Variants in SUGP1 observed in about 807,000 individuals in gnomAD.
SUGP1 encodes the protein SURP and G-patch domain-containing protein 1.
SUGP1 carries 34 observed loss-of-function variants against 76.5 expected under a neutral mutation model. That is an observed-to-expected ratio of 0.44 (90% CI 0.34 to 0.59). SUGP1 has a LOEUF of 0.59. Ranked by LOEUF, SUGP1 falls within the 20% of genes least tolerant of loss-of-function variation. The pLI, the probability that SUGP1 is intolerant of heterozygous loss-of-function variation, is 0.01. For missense variants in SUGP1, 752 were observed against 851.7 expected (o/e 0.88, Z 1.46); for synonymous variants, 326 against 326.2 (o/e 1.00, Z 0.01).
chr19:19,317,286 A>G (rs1381268931), intron 1 of SUGP1, among the ~76,000 whole-genome samples: 3 of 152,198 alleles, frequency 2.0e-5, no homozygotes, highest in Admixed American at 6.6e-5. Context: ...GAAAAAACAA[A>G]TAAGAAGCCA....
Position 19,280,575 on chromosome 19 carries a change from T to C in SUGP1, c.1244-284A>G, listed in dbSNP as rs1168636462. The C allele has an allele frequency of 1.8e-5, 7 of 397,374 alleles. No homozygotes were observed. The East Asian group carries it at 3.0e-4, about 17-fold the overall frequency. The allele number at this position is 397,374 out of a possible 1,614,324, so 24.6% of individuals were successfully genotyped here. On this transcript the variant is annotated intron_variant, in intron 8 of 13. Coordinates refer to ENST00000247001, the MANE Select transcript of SUGP1 (RefSeq NM_172231.4). Reference sequence around the variant, plus strand: ...AAGAATCAGAGGTTCCGGGACTCACTCAGGGTCACACAGCTAACGAGTGAC... The same window carrying C: ...AAGAATCAGAGGTTCCGGGACTCACCCAGGGTCACACAGCTAACGAGTGAC...
chr19:19,280,389 C>T, intron 8 of SUGP1, 98 bp from the exon 9 acceptor site: 2 of 1,064,656 alleles, frequency 1.9e-6, no homozygotes, highest in Non-Finnish European at 2.8e-6. Flanking sequence ...CTTCATGACA[C>T]TCCAGGCACA....
At chr19:19,280,751 G>A (rs968875700) in intron 8 of SUGP1, 1 of 157,636 alleles carries the variant, frequency 6.3e-6, no homozygotes, top group Admixed American at 6.2e-5. Context: ...TCTGGCGTAA[G>A]ACTCAGCTGT....
chr19:19,297,221 C>G lies in SUGP1; in HGVS notation c.1011G>C (p.Lys337Asn). 1 of 1,600,350 alleles carries G rather than the reference C, an allele frequency of 6.2e-7. No homozygotes were observed. ...FTAPDPGLKR[K>N]SPPEALSGSL... ...ACCCTGACAGGGCCTCAGGAGGGGA[C>G]TTGCGCTTCAGGCCGGGATCAGGTG... Residue 337 changes from lysine (K) to asparagine (N), a missense_variant, in exon 8 of 14, where the codon AAG (lysine) becomes AAC (asparagine). Physicochemically the swap from Lys to Asn is moderately conservative, Grantham distance 94. Transcript: ENST00000247001.
At chr19:19,306,733 C>G (rs1285420156) in intron 3 of SUGP1, among the ~76,000 whole-genome samples, 4 of 152,230 alleles carry the variant, frequency 2.6e-5, no homozygotes, top group Non-Finnish European at 4.4e-5. Context: ...AACCTACAGA[C>G]AGGGGTCCCA....
chr19:19,279,442 A>C, intron 9 of SUGP1, 52 bp from the exon 10 acceptor site: 1 of 1,514,770 alleles, frequency 6.6e-7, no homozygotes, highest in African/African-American at 1.4e-5. Flanking sequence ...GGCCTGCCGG[A>C]GCCCCGCTCC....
intron 3 of SUGP1, among the ~76,000 whole-genome samples, chr19:19,308,159 T>C (rs576054485): frequency 6.6e-6 from 1 of 151,946 alleles, no homozygotes. Context: ...GCCCCCCCAT[T>C]AGTTGGGGTT....
chr19:19,290,118 C>T (rs1368244184), intron 8 of SUGP1, among the ~76,000 whole-genome samples: 1 of 151,972 alleles, frequency 6.6e-6, no homozygotes, highest in Non-Finnish European at 1.5e-5. Flanking sequence ...AGATGTGACC[C>T]GCCATCACAC....
intron 8 of SUGP1, among the ~76,000 whole-genome samples, chr19:19,283,785 A>C (rs1160321026): frequency 1.3e-5 from 2 of 152,092 alleles, no homozygotes; most frequent in Admixed American, 6.6e-5. Context: ...ACAGGGTTTC[A>C]CCATATTGGC....
At chr19:19,296,009 A>G (rs1452697115) in intron 8 of SUGP1, among the ~76,000 whole-genome samples, 1 of 152,232 alleles carries the variant, frequency 6.6e-6, no homozygotes, top group African/African-American at 2.4e-5. Flanking sequence ...ATATCACTTC[A>G]TACCTCTTAG....
intron 4 of SUGP1, among the ~76,000 whole-genome samples, chr19:19,304,935 A>G (rs546052301): frequency 2.8e-4 from 43 of 152,300 alleles, no homozygotes; most frequent in African/African-American, 9.6e-4. Flanking sequence ...TGCTGTTTAC[A>G]GGAACAGGTG....
intron 8 of SUGP1, among the ~76,000 whole-genome samples, chr19:19,289,811 C>T (rs182456411): frequency 4.0e-4 from 61 of 152,230 alleles, no homozygotes; most frequent in African/African-American, 1.4e-3. Flanking sequence ...AAAGAGGTTC[C>T]GGACAGCAGA....
At chr19:19,298,149 C>T (rs909180301) in intron 7 of SUGP1, among the ~76,000 whole-genome samples, 6 of 152,212 alleles carry the variant, frequency 3.9e-5, no homozygotes, top group African/African-American at 1.2e-4. Context: ...ATGGTCATAG[C>T]ACCAAGGCGT....
chr19:19,316,430 A>C lies in SUGP1; in HGVS notation c.198T>G (p.His66Gln). ...QNQVASPQPPHPGEITNAHNS... is the reference protein window; with the variant it reads ...QNQVASPQPPQPGEITNAHNS... ...CCCCAGCAGGCACTTACTCGCCAGGATGTGGGGGCTGAGGGCTGGCCACCT... is the reference window on the plus strand; with the variant it reads ...CCCCAGCAGGCACTTACTCGCCAGGCTGTGGGGGCTGAGGGCTGGCCACCT... Residue 66 changes from histidine to glutamine, a missense_variant, in exon 2 of 14, where the codon CAT becomes CAG. By Grantham distance (24) the His-to-Gln change is conservative. Transcript: ENST00000247001. 6.2e-7 allele frequency: 1 copy of C among 1,613,804 alleles called. No homozygotes were observed. The highest frequency in any genetic ancestry group is 1.3e-5 in the African/African-American group (1 of 74,944).
intron 9 of SUGP1, 61 bp downstream of exon 9, chr19:19,280,124 T>C (rs1439734699): frequency 6.7e-7 from 1 of 1,498,278 alleles, no homozygotes; most frequent in African/African-American, 1.4e-5. Context: ...CACCCGGGGG[T>C]AGAGGACAAC....
chr19:19,280,385 G>A (rs953325309), intron 8 of SUGP1, 94 bp from the exon 9 acceptor site: 5 of 1,095,168 alleles, frequency 4.6e-6, no homozygotes, highest in African/African-American at 1.5e-5. Context: ...ACACCTTCAT[G>A]ACACTCCAGG....
At chr19:19,296,882 A>G in intron 8 of SUGP1, 107 bp downstream of exon 8, 1 of 1,002,764 alleles carries the variant, frequency 1.0e-6, no homozygotes, top group Non-Finnish European at 1.4e-6. Context: ...CCACAGAAGG[A>G]ATGAAATTCT....
intron 8 of SUGP1, among the ~76,000 whole-genome samples, chr19:19,283,483 C>A (rs1168642427): frequency 2.0e-5 from 3 of 151,378 alleles, no homozygotes; most frequent in African/African-American, 7.3e-5. Context: ...GAGACAGAGT[C>A]TCACTCTGTC....
intron 7 of SUGP1, among the ~76,000 whole-genome samples, chr19:19,300,154 C>A (rs952123956): frequency 6.6e-6 from 1 of 152,144 alleles, no homozygotes; most frequent in African/African-American, 2.4e-5. Flanking sequence ...CGGCTCACTG[C>A]AACCTTTGCC....
Sources: gnomAD v4.1 joint callset for allele counts (sites outside exome capture counted in the v4.1 genomes callset) on GRCh38, gnomAD v4.1.1 for gene constraint, MANE v1.5 for transcripts, NCBI Gene and HGNC (gene_info 2026-07-23, HGNC 2026-07-21) for gene names.